Variants in SUPT3H observed in about 807,000 individuals in gnomAD.
The protein encoded by SUPT3H is SPT3 homolog, SAGA and STAGA complex component.
SUPT3H carries 44 observed loss-of-function variants against 44.3 expected under a neutral mutation model. The ratio of observed to expected loss-of-function variants is 0.99; its 90% CI spans 0.78 to 1.28. The LOEUF (loss-of-function observed/expected upper bound fraction) is 1.28, where lower values mean the gene tolerates loss of function less well. Ranked by LOEUF, SUPT3H falls within the 50% of genes most tolerant of loss-of-function variation. SUPT3H has a pLI of 0.00. For missense variants in SUPT3H, 380 were observed against 387.1 expected, an observed-to-expected ratio of 0.98 and a Z score of 0.15; for synonymous variants, 124 against 125.6, an observed-to-expected ratio of 0.99 and a Z score of 0.09.
chr6:45,227,314 T>C (rs6458431), intron 2 of SUPT3H, among the ~76,000 whole-genome samples: 132,263 of 151,844 alleles, frequency 0.87, 57,842 homozygotes, highest in African/African-American at 0.92. Context: ...CATATTCTAC[T>C]TCAGACATTT....
intron 10 of SUPT3H, among the ~76,000 whole-genome samples, chr6:44,885,112 G>A (rs1182658378): frequency 6.6e-6 from 1 of 152,230 alleles, no homozygotes; most frequent in Non-Finnish European, 1.5e-5. Flanking sequence ...AAGCAGCCAG[G>A]AAGCTCGAAC....
rs1387913919 is a variant in SUPT3H, at chr6:45,003,076, G to A, written c.504+577C>T. Among the ~76,000 whole-genome samples, 3 of 152,064 alleles carry A rather than the reference G, an allele frequency of 2.0e-5. No individual in the cohort carries two copies. In the East Asian group the frequency reaches 5.8e-4, roughly 29 times the overall value. On this transcript the variant is annotated intron_variant, in intron 6 of 10. Transcript: ENST00000371459. ...GTGTTTAAAGAAATAATAATTTTAT[G>A]TATAGATAGCTAAGGTAAAAAGAAG...
rs75696942 is a variant in SUPT3H at position 45,025,181 on chromosome 6, A to T, written c.187-4549T>A. On this transcript the variant is annotated intron_variant, in intron 3 of 10. Coordinates refer to ENST00000371459, the MANE Select transcript of SUPT3H (RefSeq NM_003599.4). ...TATGAGAAAATCCTGATTCTTTATAAGATGTGGCACTTTTTCTTTAAAATA... is the reference window on the plus strand; with the variant it reads ...TATGAGAAAATCCTGATTCTTTATATGATGTGGCACTTTTTCTTTAAAATA... Among the ~76,000 whole-genome samples, 908 of 152,298 alleles carry T rather than the reference A, an allele frequency of 6.0e-3. 16 individuals carry two copies. Among genetic ancestry groups the T allele is most frequent in the African/African-American group, 0.021 (859 of 41,552 alleles).
intron 2 of SUPT3H, among the ~76,000 whole-genome samples, chr6:45,224,428 A>T (rs1449190058): frequency 6.6e-6 from 1 of 152,168 alleles, no homozygotes; most frequent in Non-Finnish European, 1.5e-5. Context: ...AATGGTAGTG[A>T]CACTTCACAG....
intron 7 of SUPT3H, among the ~76,000 whole-genome samples, chr6:44,959,148 C>A (rs1775653080): frequency 6.6e-6 from 1 of 151,948 alleles, no homozygotes. Flanking sequence ...CCTCGGTCTC[C>A]CAAAGCACTA....
intron 2 of SUPT3H, among the ~76,000 whole-genome samples, chr6:45,276,746 A>G (rs1437290216): frequency 3.9e-5 from 6 of 152,216 alleles, no homozygotes; most frequent in Admixed American, 2.0e-4. Flanking sequence ...CAAGTCAAAC[A>G]GTTCCTCCAA....
intron 6 of SUPT3H, among the ~76,000 whole-genome samples, chr6:44,964,916 T>A (rs191966440): frequency 8.3e-4 from 126 of 152,280 alleles, no homozygotes; most frequent in African/African-American, 2.8e-3. Flanking sequence ...AGAGAAGTGA[T>A]TTGTCAAAGG....
At chr6:45,195,212 T>G (rs918674681) in intron 2 of SUPT3H, among the ~76,000 whole-genome samples, 2 of 152,164 alleles carry the variant, frequency 1.3e-5, no homozygotes, top group Non-Finnish European at 2.9e-5. Flanking sequence ...AATGGTTTCA[T>G]AATAACTGGA....
chr6:45,213,790 T>A (rs1410959252), intron 2 of SUPT3H, among the ~76,000 whole-genome samples: 1 of 152,044 alleles, frequency 6.6e-6, no homozygotes, highest in Non-Finnish European at 1.5e-5. Context: ...CAAAAATTAT[T>A]CCAAATTTTG....
At chr6:44,834,368 G>T (rs1414027891) in intron 10 of SUPT3H, among the ~76,000 whole-genome samples, 1 of 152,136 alleles carries the variant, frequency 6.6e-6, no homozygotes, top group Admixed American at 6.5e-5. Flanking sequence ...CACAGCAGAT[G>T]GGTTACCTGT....
intron 2 of SUPT3H, among the ~76,000 whole-genome samples, chr6:45,273,879 T>C (rs1040607381): frequency 6.6e-6 from 1 of 152,190 alleles, no homozygotes; most frequent in African/African-American, 2.4e-5. Flanking sequence ...ATTTAACCTC[T>C]AGAAAAACTG....
At chr6:45,308,512 G>A (rs567360606) in intron 2 of SUPT3H, among the ~76,000 whole-genome samples, 195 of 152,212 alleles carry the variant, frequency 1.3e-3, no homozygotes, top group Non-Finnish European at 2.2e-3. Context: ...ATAAGTGAAG[G>A]AGAAATAAAA....
intron 3 of SUPT3H, among the ~76,000 whole-genome samples, chr6:45,097,048 TGTTATCCTATACATA>T (rs1410714628): frequency 6.6e-6 from 1 of 152,226 alleles, no homozygotes; most frequent in Non-Finnish European, 1.5e-5. Flanking sequence ...TTGTGGAACT[TGTTATCCTATACATA>T]GTGAAATGAT....
chr6:45,040,638 A>G (rs954047703), intron 3 of SUPT3H, among the ~76,000 whole-genome samples: 1 of 152,210 alleles, frequency 6.6e-6, no homozygotes, highest in African/African-American at 2.4e-5. Context: ...ATACTCTTGA[A>G]CAACACATTA....
chr6:45,374,055 T>C (rs1419402933), intron 1 of SUPT3H, among the ~76,000 whole-genome samples: 1 of 152,224 alleles, frequency 6.6e-6, no homozygotes, highest in Non-Finnish European at 1.5e-5. Flanking sequence ...AATGTAATTC[T>C]CATTTGATGC....
chr6:44,960,550 G>A (rs981400591), intron 7 of SUPT3H, among the ~76,000 whole-genome samples: 2 of 152,006 alleles, frequency 1.3e-5, no homozygotes, highest in African/African-American at 4.8e-5. Context: ...ATGAGTTTCA[G>A]TGTGAAAGTA....
chr6:45,062,246 A>C (rs185169237), intron 3 of SUPT3H, among the ~76,000 whole-genome samples: 25 of 152,276 alleles, frequency 1.6e-4, no homozygotes, highest in African/African-American at 5.5e-4. Context: ...GTAATTTACA[A>C]AGTAACACAA....
At chr6:45,113,138 T>G (rs1202750246) in intron 2 of SUPT3H, among the ~76,000 whole-genome samples, 1 of 152,140 alleles carries the variant, frequency 6.6e-6, no homozygotes, top group East Asian at 1.9e-4. Flanking sequence ...ATTTTTTGAT[T>G]ACACTTTTAT....
intron 10 of SUPT3H, among the ~76,000 whole-genome samples, chr6:44,850,512 CTT>C (rs1042713044): frequency 6.6e-6 from 1 of 152,024 alleles, no homozygotes; most frequent in Non-Finnish European, 1.5e-5. Context: ...ATGGAAAAGA[CTT>C]ATTAGATCAT....
Sources: gnomAD v4.1 joint callset for allele counts (sites outside exome capture counted in the v4.1 genomes callset) on GRCh38, gnomAD v4.1.1 for gene constraint, MANE v1.5 for transcripts, NCBI Gene and HGNC (gene_info 2026-07-23, HGNC 2026-07-21) for gene names.